NAALADL2: variants seen among roughly 807,000 people sequenced by gnomAD.
NAALADL2 encodes the protein inactive N-acetylated-alpha-linked acidic dipeptidase-like protein 2.
In NAALADL2, 76 loss-of-function variants were observed where a neutral mutation model predicts 87.2. That is an observed-to-expected ratio of 0.87 (90% CI 0.72 to 1.05). NAALADL2 has a LOEUF of 1.05. Ranked by LOEUF, NAALADL2 falls within the 50% of genes least tolerant of loss-of-function variation. NAALADL2 has a pLI of 0.00. For synonymous variants in NAALADL2, 354 were observed against 331.0 expected, an observed-to-expected ratio of 1.07 and a Z score of -0.75; for missense variants, 1,089 against 945.8, an observed-to-expected ratio of 1.15 and a Z score of -1.99.
chr3:175,792,176 C>A (rs989140034), intron 13 of NAALADL2, among the ~76,000 whole-genome samples: 1 of 152,106 alleles, frequency 6.6e-6, no homozygotes, highest in Non-Finnish European at 1.5e-5. Context: ...TAGTGACACA[C>A]GAATAAACTG....
intron 2 of NAALADL2, among the ~76,000 whole-genome samples, chr3:174,650,611 A>C (rs780680042): frequency 1.3e-5 from 2 of 152,138 alleles, no homozygotes; most frequent in Non-Finnish European, 2.9e-5. Flanking sequence ...GTAACAGCAA[A>C]TCAGTAGTTA....
intron 1 of NAALADL2, among the ~76,000 whole-genome samples, chr3:175,071,223 T>C (rs1715576729): frequency 6.6e-6 from 1 of 152,134 alleles, no homozygotes; most frequent in Admixed American, 6.6e-5. Flanking sequence ...CCACAAAGCG[T>C]GTCTGACTTG....
chr3:175,587,170 C>T lies in NAALADL2; in HGVS notation c.1800+10983C>T, dbSNP rs555924486. 5.3e-5 allele frequency among the ~76,000 whole-genome samples: 8 copies of T among 152,264 alleles called. No homozygotes were observed. In the East Asian group the frequency reaches 1.5e-3, roughly 29 times the overall value. On this transcript the variant is annotated intron_variant, in intron 10 of 13. Transcript: ENST00000454872. ...ATCGTGGATCCCAAATATTTTTATT[C>T]ATTACTCTATAGTAAAAGGAAATAA...
At chr3:175,136,387 A>G (rs565066556) in intron 2 of NAALADL2, among the ~76,000 whole-genome samples, 3 of 152,288 alleles carry the variant, frequency 2.0e-5, no homozygotes, top group Non-Finnish European at 4.4e-5. Context: ...AATAAAATGG[A>G]TAAAGCTCAA....
intron 2 of NAALADL2, among the ~76,000 whole-genome samples, chr3:174,558,565 A>C (rs1713157742): frequency 6.6e-6 from 1 of 152,078 alleles, no homozygotes; most frequent in African/African-American, 2.4e-5. Context: ...TAGATCTCTC[A>C]CATGTGCAGT....
At chr3:175,639,874 G>A (rs1356612883) in intron 11 of NAALADL2, among the ~76,000 whole-genome samples, 2 of 152,102 alleles carry the variant, frequency 1.3e-5, no homozygotes, top group African/African-American at 2.4e-5. Flanking sequence ...GTATCTGCTT[G>A]TAGAGTTTAG....
At chr3:175,677,619 C>T (rs1359888375) in intron 11 of NAALADL2, among the ~76,000 whole-genome samples, 2 of 151,826 alleles carry the variant, frequency 1.3e-5, no homozygotes, top group African/African-American at 4.8e-5. Flanking sequence ...TTTCAACCCC[C>T]TCCAGGGACT....
chr3:174,941,105 T>A (rs2108468542), intron 1 of NAALADL2, among the ~76,000 whole-genome samples: 1 of 152,250 alleles, frequency 6.6e-6, no homozygotes, highest in East Asian at 1.9e-4. Flanking sequence ...GGTTGTTAAT[T>A]TGAGATCTTT....
intron 5 of NAALADL2, among the ~76,000 whole-genome samples, chr3:175,352,007 C>A (rs192259120): frequency 3.2e-4 from 49 of 152,204 alleles, no homozygotes; most frequent in African/African-American, 9.1e-4. Flanking sequence ...TGGACCCACA[C>A]ACAGAATTTG....
chr3:174,915,807 T>C (rs574881605), intron 1 of NAALADL2, among the ~76,000 whole-genome samples: 2 of 152,234 alleles, frequency 1.3e-5, no homozygotes, highest in East Asian at 3.9e-4. Flanking sequence ...TTCTGGACAT[T>C]GGCTTAGGTA....
intron 1 of NAALADL2, among the ~76,000 whole-genome samples, chr3:174,957,373 AG>A (rs1362331715): frequency 6.6e-6 from 1 of 152,042 alleles, no homozygotes; most frequent in Non-Finnish European, 1.5e-5. Flanking sequence ...AGCCTAGGCC[AG>A]GCCTGAACTA....
intron 9 of NAALADL2, among the ~76,000 whole-genome samples, chr3:175,493,040 T>C (rs1379080282): frequency 6.6e-6 from 1 of 152,094 alleles, no homozygotes; most frequent in East Asian, 1.9e-4. Flanking sequence ...GCATAACTTA[T>C]GTACACATAT....
chr3:175,194,725 A>G (rs1261390940), intron 2 of NAALADL2, among the ~76,000 whole-genome samples: 1 of 151,754 alleles, frequency 6.6e-6, no homozygotes, highest in Non-Finnish European at 1.5e-5. Context: ...TGTATTCACA[A>G]TATCATTCTT....
intron 3 of NAALADL2, among the ~76,000 whole-genome samples, chr3:174,835,608 C>T (rs1450102109): frequency 6.6e-6 from 1 of 152,092 alleles, no homozygotes; most frequent in African/African-American, 2.4e-5. Flanking sequence ...TATATCTGAT[C>T]AGAGGTTAAT....
At chr3:175,393,767 A>T (rs1769382609) in intron 5 of NAALADL2, among the ~76,000 whole-genome samples, 1 of 152,226 alleles carries the variant, frequency 6.6e-6, no homozygotes, top group South Asian at 2.1e-4. Context: ...AAATAATCAA[A>T]ATCAGAAAAC....
At chr3:175,276,412 G>A (rs960890985) in intron 4 of NAALADL2, among the ~76,000 whole-genome samples, 5 of 147,474 alleles carry the variant, frequency 3.4e-5, no homozygotes, top group Non-Finnish European at 4.5e-5. Flanking sequence ...CGATTCTCTT[G>A]CCTGCCTCAG....
intron 3 of NAALADL2, among the ~76,000 whole-genome samples, chr3:174,848,238 A>AT (rs945578937): frequency 2.4e-4 from 37 of 152,082 alleles, no homozygotes; most frequent in African/African-American, 8.7e-4. Context: ...CCACTTTATA[A>AT]TTTTTTTCAA....
At chr3:175,744,428 G>T (rs1409917259) in intron 12 of NAALADL2, among the ~76,000 whole-genome samples, 1 of 152,024 alleles carries the variant, frequency 6.6e-6, no homozygotes, top group Non-Finnish European at 1.5e-5. Flanking sequence ...AAATTCCTTG[G>T]GTCTCCCTGT....
At position 175,635,238 on chromosome 3, in the gene NAALADL2, TTA is replaced by T. The variant is rs532606148; in HGVS notation, c.1896+7854_1896+7855del. Among the ~76,000 whole-genome samples the T allele has an allele frequency of 4.9e-4, 74 of 152,182 alleles. No homozygotes were observed. In the East Asian group the frequency reaches 6.9e-3, roughly 14 times the overall value. On this transcript the variant is annotated intron_variant, in intron 11 of 13. Coordinates refer to ENST00000454872, the MANE Select transcript of NAALADL2 (RefSeq NM_207015.3). ...CAGTTTCTCTTTTGTCTTTTTGTTT[TTA>T]TTACTCAAAAGTGAATTATTACACA...
Sources: allele counts gnomAD v4.1 joint callset (sites outside exome capture counted in the v4.1 genomes callset), GRCh38; gene constraint gnomAD v4.1.1; transcripts MANE v1.5; gene names NCBI Gene and HGNC (gene_info 2026-07-23, HGNC 2026-07-21).